CPXM2: variants seen among roughly 807,000 people sequenced by gnomAD.
CPXM2 encodes inactive carboxypeptidase-like protein X2.
CPXM2 carries 66 observed loss-of-function variants against 86.1 expected under a neutral mutation model. The observed-to-expected ratio is 0.77, with a 90% CI of 0.63 to 0.94. The LOEUF is 0.94. CPXM2 is among the 40% of genes least tolerant of loss of function. The pLI, the probability that CPXM2 is intolerant of heterozygous loss-of-function variation, is 0.00. For synonymous variants in CPXM2, 388 were observed against 400.2 expected (o/e 0.97, Z 0.36); for missense variants, 948 against 1,026.3 (o/e 0.92, Z 1.04).
chr10:123,817,975 T>C (rs1454967162), intron 4 of CPXM2, among the ~76,000 whole-genome samples: 1 of 152,202 alleles, frequency 6.6e-6, no homozygotes, highest in Admixed American at 6.5e-5. Context: ...TACATACTGA[T>C]ACATGGGCTG....
intron 2 of CPXM2, among the ~76,000 whole-genome samples, chr10:123,871,794 G>A (rs1266449250): frequency 1.3e-5 from 2 of 151,846 alleles, no homozygotes; most frequent in African/African-American, 4.8e-5. Flanking sequence ...CCAAGAAGTG[G>A]GATATTCACT....
intron 2 of CPXM2, among the ~76,000 whole-genome samples, chr10:123,866,995 T>C (rs779658718): frequency 2.6e-5 from 4 of 152,220 alleles, no homozygotes; most frequent in African/African-American, 4.8e-5. Context: ...AATTCACAAA[T>C]GCTACTGCAA....
upstream of CPXM2, among the ~76,000 whole-genome samples, chr10:123,943,639 G>C (rs1466888386): frequency 6.6e-6 from 1 of 152,232 alleles, no homozygotes; most frequent in African/African-American, 2.4e-5. Context: ...GGTCCTAAAA[G>C]CATCACTGCT....
At chr10:123,881,229 T>TCCCCCCCCCCCCCCCCCCCC (rs1564811040) in intron 1 of CPXM2, among the ~76,000 whole-genome samples, 1 of 89,682 alleles carries the variant, frequency 1.1e-5, no homozygotes, top group Non-Finnish European at 2.3e-5. Flanking sequence ...TGGAGCACCC[T>TCCCCCCCCCCCCCCCCCCCC]TCTCTTCCCT....
intron 4 of CPXM2, among the ~76,000 whole-genome samples, chr10:123,825,978 T>C (rs1848036912): frequency 6.6e-6 from 1 of 152,196 alleles, no homozygotes; most frequent in African/African-American, 2.4e-5. Context: ...ACATCTCCTG[T>C]CATAATCACT....
chr10:123,835,126 G>A (rs1051163238), intron 4 of CPXM2, among the ~76,000 whole-genome samples: 2 of 152,308 alleles, frequency 1.3e-5, no homozygotes, highest in South Asian at 4.1e-4. Flanking sequence ...CATGGGTCAA[G>A]GGGTGGGGGA....
chr10:123,863,409 G>A (rs935941683), intron 2 of CPXM2, among the ~76,000 whole-genome samples: 7 of 152,186 alleles, frequency 4.6e-5, no homozygotes, highest in South Asian at 4.1e-4. Flanking sequence ...ATGATGAACC[G>A]GGGGTCCCCG....
chr10:123,880,157 CT>C, intron 2 of CPXM2, 53 bp downstream of exon 2: 1 of 424,090 alleles, frequency 2.4e-6, no homozygotes, highest in South Asian at 4.5e-5. Flanking sequence ...CCCACCCACC[CT>C]CCCTGAACAG....
chr10:123,775,226 G>A (rs368751480), intron 7 of CPXM2, among the ~76,000 whole-genome samples: 74 of 152,274 alleles, frequency 4.9e-4, no homozygotes, highest in African/African-American at 1.7e-3. Context: ...CATTCTGATG[G>A]CCACAGCATA....
chr10:123,767,842 C>T (rs1246556026), intron 9 of CPXM2, among the ~76,000 whole-genome samples: 2 of 152,152 alleles, frequency 1.3e-5, no homozygotes, highest in African/African-American at 4.8e-5. Context: ...AAACAACTAT[C>T]CTCAGAAGAC....
chr10:123,926,007 A>G (rs568545636), intron 2 of CPXM2, among the ~76,000 whole-genome samples: 1 of 152,328 alleles, frequency 6.6e-6, no homozygotes, highest in African/African-American at 2.4e-5. Flanking sequence ...GTATAGCAGG[A>G]TCTCAGGGCT....
chr10:123,814,085 T>C (rs8181303), intron 4 of CPXM2, among the ~76,000 whole-genome samples: 33,374 of 152,126 alleles, frequency 0.22, 4,461 homozygotes, highest in African/African-American at 0.37. Flanking sequence ...GTAGCTGCAG[T>C]TATCAGTCTT....
intron 3 of CPXM2, among the ~76,000 whole-genome samples, chr10:123,858,111 A>G (rs912160911): frequency 6.6e-6 from 1 of 152,214 alleles, no homozygotes; most frequent in Non-Finnish European, 1.5e-5. Context: ...ACATGAACCA[A>G]TGCTGCTTCT....
At chr10:123,876,761 C>G (rs546822451) in intron 2 of CPXM2, among the ~76,000 whole-genome samples, 57 of 152,272 alleles carry the variant, frequency 3.7e-4, no homozygotes, top group African/African-American at 1.3e-3. Context: ...CAAAAGACCC[C>G]AAGACGGTAA....
rs574636137 is a variant in CPXM2, at chr10:123,781,390, C to T, written c.890-1135G>A. Among the ~76,000 whole-genome samples, 72 of 152,272 alleles carry T rather than the reference C, an allele frequency of 4.7e-4. 1 individual carries two copies. In the South Asian group the frequency reaches 0.015, roughly 32 times the overall value. The stretch of plus-strand genomic sequence containing the variant: ...AGGAGAGGACAGGGAGGAGCAAGAA[C>T]AAGAAGGAGGGCAACTGGGAAGAGA... On this transcript the variant is annotated intron_variant, in intron 6 of 13. Transcript: ENST00000241305.
intron 2 of CPXM2, among the ~76,000 whole-genome samples, chr10:123,901,122 C>T (rs1015063530): frequency 6.6e-6 from 1 of 152,170 alleles, no homozygotes; most frequent in Non-Finnish European, 1.5e-5. Context: ...TACCCTTACA[C>T]AGTAAGAAAA....
intron 6 of CPXM2, among the ~76,000 whole-genome samples, chr10:123,789,760 G>A (rs564924830): frequency 1.9e-4 from 29 of 152,260 alleles, no homozygotes; most frequent in East Asian, 1.7e-3. Flanking sequence ...CTACTGCTGC[G>A]TCGTTCCCCT....
intron 13 of CPXM2, among the ~76,000 whole-genome samples, chr10:123,749,473 G>A (rs1271271386): frequency 6.6e-6 from 1 of 152,172 alleles, no homozygotes; most frequent in East Asian, 1.9e-4. Flanking sequence ...CACCCTCTGT[G>A]CTGTCGCTGG....
At position 123,900,068 on chromosome 10, in the gene CPXM2, G is replaced by C. The variant is rs75887462; in HGVS notation, n.175-19759C>G. 3.9e-3 allele frequency among the ~76,000 whole-genome samples: 591 copies of C among 152,276 alleles called. 1 individual carries two copies. Among genetic ancestry groups the C allele is most frequent in the African/African-American group, 0.013 (528 of 41,552 alleles). ...AAAAAAAATTTTTTTTGGAGACGGAGTCTCGCCCTGTCACCCAGGCTGAAG... is the reference window on the plus strand; with the variant it reads ...AAAAAAAATTTTTTTTGGAGACGGACTCTCGCCCTGTCACCCAGGCTGAAG... On this transcript the variant is annotated intron_variant and non_coding_transcript_variant, in intron 2 of 19. Transcript: ENST00000368854.
Sources: allele counts gnomAD v4.1 joint callset (sites outside exome capture counted in the v4.1 genomes callset), GRCh38; gene constraint gnomAD v4.1.1; transcripts MANE v1.5; gene names NCBI Gene and HGNC (gene_info 2026-07-23, HGNC 2026-07-21).